Variants in RBFOX1 observed in about 807,000 individuals in gnomAD.
RBFOX1 encodes the protein RNA binding protein fox-1 homolog 1.
In RBFOX1, 8 loss-of-function variants were observed where a neutral mutation model predicts 57.7. The ratio of observed to expected loss-of-function variants is 0.14; its 90% CI spans 0.08 to 0.25. The LOEUF (loss-of-function observed/expected upper bound fraction) is 0.25, where lower values mean the gene tolerates loss of function less well. Among genes scored for constraint, RBFOX1 ranks in the 10% least tolerant of loss-of-function variants. RBFOX1 has a pLI of 1.00. For synonymous variants in RBFOX1, 326 were observed against 222.4 expected (o/e 1.47, Z -4.15); for missense variants, 611 against 548.5 (o/e 1.11, Z -1.14).
At chr16:5,915,707 C>T (rs2058690738) in intron 4 of RBFOX1, among the ~76,000 whole-genome samples, 1 of 152,100 alleles carries the variant, frequency 6.6e-6, no homozygotes, top group African/African-American at 2.4e-5. Context: ...TGGCGCTTGC[C>T]TGTAATCTCA....
intron 2 of RBFOX1, among the ~76,000 whole-genome samples, chr16:6,519,356 C>G (rs2096455966): frequency 1.3e-5 from 2 of 152,120 alleles, no homozygotes; most frequent in African/African-American, 2.4e-5. Context: ...AAATACTGTA[C>G]ATGGGGATAT....
chr16:5,442,688 C>G (rs1490154478), intron 1 of RBFOX1, among the ~76,000 whole-genome samples: 1 of 152,170 alleles, frequency 6.6e-6, no homozygotes, highest in Non-Finnish European at 1.5e-5. Flanking sequence ...CTGAGCCCTG[C>G]TATGTGCCAT....
intron 1 of RBFOX1, among the ~76,000 whole-genome samples, chr16:5,330,098 G>A (rs1300325033): frequency 6.6e-6 from 1 of 151,968 alleles, no homozygotes; most frequent in Non-Finnish European, 1.5e-5. Context: ...GAAGGACATT[G>A]ATCTCATTCA....
chr16:5,276,302 C>G (rs907184392), intron 1 of RBFOX1, among the ~76,000 whole-genome samples: 3 of 152,114 alleles, frequency 2.0e-5, no homozygotes, highest in African/African-American at 7.2e-5. Context: ...GGACTAATGT[C>G]CAGAATCTAC....
At chr16:7,103,639 G>A (rs1053263202) in intron 4 of RBFOX1, among the ~76,000 whole-genome samples, 1 of 152,110 alleles carries the variant, frequency 6.6e-6, no homozygotes, top group Admixed American at 6.6e-5. Flanking sequence ...GCAGTTTATA[G>A]TTTTTTGTTA....
rs560513600 is a variant in RBFOX1 at position 6,718,645 on chromosome 16, T to C, written c.-16+63995T>C. On this transcript the variant is annotated intron_variant, in intron 3 of 15. Coordinates refer to ENST00000550418, the MANE Select transcript of RBFOX1 (RefSeq NM_018723.4). ...AGCCTGGTGGGAGGCAATTCGATCA[T>C]GGGAACGGACTTCCCCCTTGCTGTT... is the stretch of plus-strand genomic sequence containing the variant. Among the ~76,000 whole-genome samples the C allele has an allele frequency of 6.6e-4, 101 of 152,270 alleles. 1 individual carries two copies. The highest frequency in any genetic ancestry group is 2.6e-3 in the Admixed American group (40 of 15,288).
At chr16:7,475,713 C>T (rs181802071) in intron 4 of RBFOX1, among the ~76,000 whole-genome samples, 104 of 152,224 alleles carry the variant, frequency 6.8e-4, no homozygotes, top group Admixed American at 9.2e-4. Context: ...TGAATGGCCT[C>T]GGACAAGTTA....
intron 4 of RBFOX1, among the ~76,000 whole-genome samples, chr16:7,270,439 C>T (rs1010388182): frequency 2.2e-4 from 34 of 152,278 alleles, no homozygotes; most frequent in Non-Finnish European, 4.6e-4. Context: ...TACCATCGGG[C>T]AGATTCAGAC....
At chr16:6,690,470 A>G (rs1324038692) in intron 3 of RBFOX1, among the ~76,000 whole-genome samples, 1 of 152,180 alleles carries the variant, frequency 6.6e-6, no homozygotes, top group South Asian at 2.1e-4. Context: ...ATAGTTTAAC[A>G]TTAAAGAAAA....
intron 2 of RBFOX1, among the ~76,000 whole-genome samples, chr16:6,386,352 G>A (rs923223729): frequency 6.7e-6 from 1 of 149,892 alleles, no homozygotes; most frequent in Non-Finnish European, 1.5e-5. Context: ...ATTCTTGTGT[G>A]AGCCTTTCTT....
At chr16:5,956,188 A>G (rs1483576798) in intron 4 of RBFOX1, among the ~76,000 whole-genome samples, 1 of 152,090 alleles carries the variant, frequency 6.6e-6, no homozygotes, top group Non-Finnish European at 1.5e-5. Context: ...AGGCACGAGG[A>G]TTGCTTGAAC....
intron 3 of RBFOX1, among the ~76,000 whole-genome samples, chr16:6,907,401 C>T (rs1043417513): frequency 6.6e-6 from 1 of 152,126 alleles, no homozygotes; most frequent in Non-Finnish European, 1.5e-5. Context: ...TCTAGGGCTT[C>T]TTTAAGAAAG....
chr16:7,383,351 C>G (rs762791151), intron 4 of RBFOX1, among the ~76,000 whole-genome samples: 13 of 151,540 alleles, frequency 8.6e-5, no homozygotes, highest in Non-Finnish European at 1.9e-4. Context: ...ATTAGGCTCC[C>G]CAGTGGAGGC....
At chr16:6,645,469 A>G (rs533187895) in intron 2 of RBFOX1, among the ~76,000 whole-genome samples, 14 of 152,260 alleles carry the variant, frequency 9.2e-5, no homozygotes, top group African/African-American at 3.4e-4. Flanking sequence ...CTGGTAAGGG[A>G]TCCGGGATGC....
chr16:6,181,860 C>G (rs1351387364), intron 1 of RBFOX1, among the ~76,000 whole-genome samples: 2 of 152,130 alleles, frequency 1.3e-5, no homozygotes, highest in Middle Eastern at 3.2e-3. Flanking sequence ...TTGGGTCTCT[C>G]TCTGGTTGTA....
rs1480178278 is a variant in RBFOX1 at position 7,469,854 on chromosome 16, G to T, written c.28-48293G>T. 5.3e-5 allele frequency among the ~76,000 whole-genome samples: 8 copies of T among 152,198 alleles called. No homozygotes were observed. In the East Asian group the frequency reaches 1.4e-3, roughly 26 times the overall value. Reference sequence around the variant, plus strand: ...ACTAATTTCATCCGTCCTGCTCGCAGCCCCTGGCTACTTTCTACTTTCTGT... The same window carrying T: ...ACTAATTTCATCCGTCCTGCTCGCATCCCCTGGCTACTTTCTACTTTCTGT... On this transcript the variant is annotated intron_variant, in intron 4 of 15. Coordinates refer to ENST00000550418, the MANE Select transcript of RBFOX1 (RefSeq NM_018723.4).
chr16:7,697,594 G>A lies in RBFOX1; in HGVS notation c.996-11462G>A, dbSNP rs908158747. Among the ~76,000 whole-genome samples the A allele has an allele frequency of 7.2e-5, 11 of 152,164 alleles. No individual in the cohort carries two copies. In the East Asian group the frequency reaches 1.7e-3, roughly 24 times the overall value. ...TATATATGTATCACAGTAGTTCAACGAGGTGTTATCCCCATTTTGGAAAGT... is the reference window on the plus strand; with the variant it reads ...TATATATGTATCACAGTAGTTCAACAAGGTGTTATCCCCATTTTGGAAAGT... On this transcript the variant is annotated intron_variant, in intron 14 of 15. Coordinates refer to ENST00000550418, the MANE Select transcript of RBFOX1 (RefSeq NM_018723.4).
chr16:7,586,300 T>C (rs1415223584), intron 6 of RBFOX1, among the ~76,000 whole-genome samples: 1 of 152,134 alleles, frequency 6.6e-6, no homozygotes, highest in Non-Finnish European at 1.5e-5. Flanking sequence ...CTCAGAAAAC[T>C]GAAAAAATTC....
intron 4 of RBFOX1, among the ~76,000 whole-genome samples, chr16:7,241,316 C>T (rs1233015268): frequency 6.6e-6 from 1 of 151,902 alleles, no homozygotes; most frequent in Non-Finnish European, 1.5e-5. Context: ...TGGGTGTGGC[C>T]CAAGCAGGAA....
Sources: gnomAD v4.1 joint callset for allele counts (sites outside exome capture counted in the v4.1 genomes callset) on GRCh38, gnomAD v4.1.1 for gene constraint, MANE v1.5 for transcripts, NCBI Gene and HGNC (gene_info 2026-07-23, HGNC 2026-07-21) for gene names.